The following ARHGAP10 variants were observed in gnomAD, a reference collection of about 807,000 sequenced individuals.
ARHGAP10 encodes the protein rho GTPase-activating protein 10.
In ARHGAP10, 87 loss-of-function variants were observed where a neutral mutation model predicts 108.6. The observed-to-expected ratio is 0.80, with a 90% CI of 0.67 to 0.96. The LOEUF is 0.96. Ranked by LOEUF, ARHGAP10 falls within the 40% of genes least tolerant of loss-of-function variation. The pLI is 0.00. For synonymous variants in ARHGAP10, 347 were observed against 341.1 expected, an observed-to-expected ratio of 1.02 and a Z score of -0.19; for missense variants, 939 against 954.5, an observed-to-expected ratio of 0.98 and a Z score of 0.21.
At chr4:147,760,723 T>G (rs905864303) in intron 1 of ARHGAP10, among the ~76,000 whole-genome samples, 1 of 152,150 alleles carries the variant, frequency 6.6e-6, no homozygotes, top group African/African-American at 2.4e-5. Context: ...CTAATTCATG[T>G]CTTATTTCTT....
chr4:148,016,781 A>T (rs1016716749), intron 18 of ARHGAP10, among the ~76,000 whole-genome samples: 5 of 152,030 alleles, frequency 3.3e-5, no homozygotes, highest in Non-Finnish European at 7.4e-5. Flanking sequence ...GGCCTCCAGA[A>T]ATTCTGACTG....
At chr4:147,772,820 C>T (rs570773352) in intron 1 of ARHGAP10, among the ~76,000 whole-genome samples, 3 of 151,978 alleles carry the variant, frequency 2.0e-5, no homozygotes, top group Non-Finnish European at 4.4e-5. Context: ...ATGTAGTTTT[C>T]CAACTGGAGC....
intron 1 of ARHGAP10, among the ~76,000 whole-genome samples, chr4:147,752,802 C>T (rs1395820492): frequency 2.6e-5 from 4 of 152,264 alleles, no homozygotes; most frequent in Non-Finnish European, 1.5e-5. Flanking sequence ...GCCGGGATTA[C>T]AGGCGTGAGC....
chr4:147,906,554 A>AT lies in ARHGAP10; in HGVS notation c.1035-84_1035-83insT. 2 of 1,348,416 alleles carry AT rather than the reference A, an allele frequency of 1.5e-6. 1 individual carries two copies. The highest frequency in any genetic ancestry group is 2.1e-6 in the Non-Finnish European group (2 of 966,548). The allele number at this position is 1,348,416 out of a possible 1,614,324, so 83.5% of individuals were successfully genotyped here. A position where few individuals can be genotyped will look rare whatever the true frequency, so the allele number is the denominator to read the frequency against. On this transcript the variant is annotated intron_variant, in intron 10 of 22. Coordinates refer to ENST00000336498, the MANE Select transcript of ARHGAP10 (RefSeq NM_024605.4). Reference sequence around the variant, plus strand: ...TTTACCACAGATAAAAGTAAAAAAAAAATGGTTACAACAGTTAAATCTTAG... The same window carrying AT: ...TTTACCACAGATAAAAGTAAAAAAAATAATGGTTACAACAGTTAAATCTTAG...
In ARHGAP10 at chr4:147,911,993, ACGTGTG is replaced by A. The variant is rs1201955219; in HGVS notation, c.1163-1080_1163-1075del. ...ATTCTCAAGTAATTTAAGAACATTC[ACGTGTG>A]TGTGTGTGTGTGTGTGTGTGTGTGT... is the stretch of plus-strand genomic sequence containing the variant. On this transcript the variant is annotated intron_variant, in intron 12 of 22. Coordinates refer to ENST00000336498, the MANE Select transcript of ARHGAP10 (RefSeq NM_024605.4). Among the ~76,000 whole-genome samples, 75 of 108,690 alleles carry A rather than the reference ACGTGTG, an allele frequency of 6.9e-4. 1 individual carries two copies. Among genetic ancestry groups the A allele is most frequent in the Middle Eastern group, 4.3e-3 (1 of 232 alleles). 71.3% of individuals were successfully genotyped at this position (108,690 alleles called of 152,430 possible).
intron 19 of ARHGAP10, among the ~76,000 whole-genome samples, chr4:148,037,274 T>C (rs1425938697): frequency 1.3e-5 from 2 of 152,226 alleles, no homozygotes; most frequent in Non-Finnish European, 1.5e-5. Context: ...CATGACAAAC[T>C]GCTGCCCCAG....
intron 18 of ARHGAP10, among the ~76,000 whole-genome samples, chr4:147,991,671 A>T (rs1358746485): frequency 6.6e-6 from 1 of 152,238 alleles, no homozygotes; most frequent in Non-Finnish European, 1.5e-5. Flanking sequence ...GATACACCCT[A>T]ACCATTTAGG....
At chr4:148,045,212 C>T (rs1011639352) in intron 19 of ARHGAP10, among the ~76,000 whole-genome samples, 42 of 152,158 alleles carry the variant, frequency 2.8e-4, no homozygotes, top group African/African-American at 9.4e-4. Flanking sequence ...CCTCAATACT[C>T]ACCATAAACA....
intron 14 of ARHGAP10, among the ~76,000 whole-genome samples, chr4:147,941,787 CT>C (rs1489713371): frequency 6.6e-6 from 1 of 152,088 alleles, no homozygotes; most frequent in East Asian, 1.9e-4. Context: ...TTCTTATTAC[CT>C]TATGCTACCA....
At chr4:147,893,603 A>C (rs1018241817) in intron 10 of ARHGAP10, among the ~76,000 whole-genome samples, 1 of 148,242 alleles carries the variant, frequency 6.7e-6, no homozygotes, top group African/African-American at 2.4e-5. Flanking sequence ...TATATAATCT[A>C]TATATAGAAC....
chr4:147,927,113 A>C (rs1737495261), intron 13 of ARHGAP10, among the ~76,000 whole-genome samples: 1 of 152,214 alleles, frequency 6.6e-6, no homozygotes, highest in South Asian at 2.1e-4. Context: ...GAGGAGATGG[A>C]GACACTATAG....
intron 14 of ARHGAP10, among the ~76,000 whole-genome samples, chr4:147,945,276 A>G (rs1483401993): frequency 6.6e-6 from 1 of 151,014 alleles, no homozygotes; most frequent in Non-Finnish European, 1.5e-5. Flanking sequence ...ACAATTTACT[A>G]ACTCTCCCAT....
At chr4:147,883,192 A>C (rs1735402382) in intron 10 of ARHGAP10, among the ~76,000 whole-genome samples, 1 of 152,236 alleles carries the variant, frequency 6.6e-6, no homozygotes, top group African/African-American at 2.4e-5. Context: ...CAAGTGGTTA[A>C]ATAAGCGTTT....
chr4:148,022,689 A>AG (rs1410892667), intron 18 of ARHGAP10, among the ~76,000 whole-genome samples: 1 of 152,252 alleles, frequency 6.6e-6, no homozygotes, highest in African/African-American at 2.4e-5. Context: ...CATAAATGAA[A>AG]GGGGAAATAA....
At chr4:147,984,642 G>A (rs1253301850) in intron 18 of ARHGAP10, among the ~76,000 whole-genome samples, 1 of 152,230 alleles carries the variant, frequency 6.6e-6, no homozygotes, top group East Asian at 1.9e-4. Context: ...ACTGCCTCCT[G>A]TAGGACCAGG....
At chr4:148,060,026 A>ACT (rs763321116) in intron 20 of ARHGAP10, among the ~76,000 whole-genome samples, 9 of 68,064 alleles carry the variant, frequency 1.3e-4, no homozygotes, top group Non-Finnish European at 3.0e-4. Flanking sequence ...GGGGAGAGAG[A>ACT]CGAGAGAGAG....
At chr4:147,847,475 C>T (rs190310029) in intron 4 of ARHGAP10, among the ~76,000 whole-genome samples, 24 of 152,172 alleles carry the variant, frequency 1.6e-4, no homozygotes, top group African/African-American at 5.3e-4. Context: ...ATACCTGTAA[C>T]CAAACAACAC....
At chr4:147,932,972 T>C (rs1332692609) in intron 13 of ARHGAP10, among the ~76,000 whole-genome samples, 1 of 152,220 alleles carries the variant, frequency 6.6e-6, no homozygotes, top group Non-Finnish European at 1.5e-5. Flanking sequence ...TTTCAGGTCA[T>C]GCATTTATAC....
intron 10 of ARHGAP10, among the ~76,000 whole-genome samples, chr4:147,893,984 C>T (rs1735892262): frequency 6.6e-6 from 1 of 152,042 alleles, no homozygotes; most frequent in African/African-American, 2.4e-5. Context: ...TCTGAATTGA[C>T]ATTAATATGG....
Sources: allele counts gnomAD v4.1 joint callset (sites outside exome capture counted in the v4.1 genomes callset), GRCh38; gene constraint gnomAD v4.1.1; transcripts MANE v1.5; gene names NCBI Gene and HGNC (gene_info 2026-07-23, HGNC 2026-07-21).